HMCN2: variants seen among roughly 807,000 people sequenced by gnomAD.
HMCN2 encodes hemicentin-2.
In HMCN2, 325 loss-of-function variants were observed where a neutral mutation model predicts 377.5. The observed-to-expected ratio is 0.86, with a 90% CI of 0.79 to 0.94. The LOEUF (loss-of-function observed/expected upper bound fraction) is 0.94, where lower values mean the gene tolerates loss of function less well. Ranked by LOEUF, HMCN2 falls within the 40% of genes least tolerant of loss-of-function variation. The pLI, the probability that HMCN2 is intolerant of heterozygous loss-of-function variation, is 0.00. For missense variants in HMCN2, 4,543 were observed against 4,725.3 expected (o/e 0.96, Z 1.13); for synonymous variants, 2,007 against 2,046.8 (o/e 0.98, Z 0.53).
At chr9:130,382,115 G>A in intron 54 of HMCN2, 69 bp from the exon 55 acceptor site, 2 of 621,982 alleles carry the variant, frequency 3.2e-6, no homozygotes, top group East Asian at 1.4e-4. Flanking sequence ...CCAGAGGAGG[G>A]GGCAGCGTCT....
At chr9:130,389,668 G>A (rs934416997) in intron 62 of HMCN2, among the ~76,000 whole-genome samples, 6 of 151,702 alleles carry the variant, frequency 4.0e-5, no homozygotes, top group Non-Finnish European at 8.8e-5. Context: ...TCTGCCTCCT[G>A]GGTTGAAGCG....
At chr9:130,340,398 A>G (rs1838982783) in intron 23 of HMCN2, among the ~76,000 whole-genome samples, 1 of 152,226 alleles carries the variant, frequency 6.6e-6, no homozygotes, top group South Asian at 2.1e-4. Context: ...TAAGGAGCTG[A>G]ACCAGGATTG....
At chr9:130,412,989 A>G (rs1209261735) in intron 85 of HMCN2, among the ~76,000 whole-genome samples, 2 of 152,282 alleles carry the variant, frequency 1.3e-5, no homozygotes, top group Admixed American at 6.5e-5. Context: ...CGGATAGCCA[A>G]TTGTTCCAGT....
intron 22 of HMCN2, among the ~76,000 whole-genome samples, chr9:130,331,193 C>T (rs1350010908): frequency 2.6e-5 from 4 of 150,958 alleles, no homozygotes; most frequent in Non-Finnish European, 4.4e-5. Context: ...CATTCCAGGG[C>T]GCTCGGCTCC....
chr9:130,365,135 T>C (rs1461541926), intron 41 of HMCN2, among the ~76,000 whole-genome samples: 1 of 152,196 alleles, frequency 6.6e-6, no homozygotes, highest in Non-Finnish European at 1.5e-5. Context: ...CCTTGTGATA[T>C]GATCATTCCC....
rs1312817073 is a variant in HMCN2, at chr9:130,395,206, C to T, written c.10775-5C>T. The T allele has an allele frequency of 1.6e-6, 2 of 1,287,454 alleles. No homozygotes were observed. Among genetic ancestry groups the T allele is most frequent in the East Asian group, 5.6e-5 (1 of 17,992 alleles). The allele number at this position is 1,287,454 out of a possible 1,614,324, so 79.8% of individuals were successfully genotyped here. ...TCATATCCTCTTGTGCCACCCCCTT[C>T]CCAGCCCCTCCAAACATTGTTGGGC... On this transcript the variant is annotated splice_region_variant and splice_polypyrimidine_tract_variant and intron_variant, in intron 70 of 97. Transcript: ENST00000683500.
At position 130,426,058 on chromosome 9, in the gene HMCN2, G is replaced by T. The variant is rs77458469; in HGVS notation, c.13879+134G>T. 4 of 691,136 alleles carry T rather than the reference G, an allele frequency of 5.8e-6. No individual in the cohort carries two copies. The African/African-American group carries it at 7.2e-5, about 12-fold the overall frequency. The allele number at this position is 691,136 out of a possible 1,614,324, so 42.8% of individuals were successfully genotyped here. On this transcript the variant is annotated intron_variant, in intron 90 of 97. Transcript: ENST00000683500. ...TGGGCCAGAGACTTCAGACTGAGAC[G>T]GCCCGGCTGGCCTACTCACCTGGCC... is the stretch of plus-strand genomic sequence containing the variant.
chr9:130,267,460 ACACACACACACACACACG>A, intron 1 of HMCN2, among the ~76,000 whole-genome samples: 1 of 128,372 alleles, frequency 7.8e-6, no homozygotes. Flanking sequence ...ACACACACAC[ACACACACACACACACACG>A]CACAGATTCC....
At chr9:130,368,055 T>C (rs1209875689) in intron 43 of HMCN2, among the ~76,000 whole-genome samples, 1 of 148,876 alleles carries the variant, frequency 6.7e-6, no homozygotes, top group Non-Finnish European at 1.5e-5. Context: ...GGCAGATCTG[T>C]GATGCAGAGA....
intron 23 of HMCN2, among the ~76,000 whole-genome samples, chr9:130,340,353 A>T (rs963267245): frequency 6.6e-6 from 1 of 152,160 alleles, no homozygotes; most frequent in South Asian, 2.1e-4. Flanking sequence ...ATGAGGGGGA[A>T]CTGAGGCTCT....
At chr9:130,325,324 G>A (rs921939736) in intron 19 of HMCN2, among the ~76,000 whole-genome samples, 1 of 151,586 alleles carries the variant, frequency 6.6e-6, no homozygotes, top group East Asian at 1.9e-4. Context: ...TCGAACTCCT[G>A]ACCTCAAGTG....
At chr9:130,363,831 A>AAG (rs1554956197) in intron 40 of HMCN2, among the ~76,000 whole-genome samples, 1 of 150,780 alleles carries the variant, frequency 6.6e-6, no homozygotes, top group Non-Finnish European at 1.5e-5. Context: ...AAAAAAAAAA[A>AAG]AAAGAAAGAA....
In HMCN2 at chr9:130,321,890, C is replaced by T. The variant is rs1239965554; in HGVS notation, c.2879C>T (p.Thr960Met). Residue 960 changes from threonine to methionine, a missense_variant, in exon 19 of 98, where the codon ACG becomes ATG. By Grantham distance (81) the Thr-to-Met change is moderately conservative (BLOSUM62 -1). Transcript: ENST00000683500. ...AGRYSCVATNTAGSQHRDVEL... is the reference protein window; with the variant it reads ...AGRYSCVATNMAGSQHRDVEL... Reference sequence around the variant, plus strand: ...AGGTACAGCTGTGTGGCCACCAACACGGCCGGCTCTCAGCACCGGGACGTG... The same window carrying T: ...AGGTACAGCTGTGTGGCCACCAACATGGCCGGCTCTCAGCACCGGGACGTG... 13 of 151,792 alleles carry T rather than the reference C, an allele frequency of 8.6e-5. No homozygotes were observed. Among genetic ancestry groups the T allele is most frequent in the South Asian group, 2.1e-4 (1 of 4,794 alleles). The allele number at this position is 151,792 out of a possible 1,614,324, so 9.4% of individuals were successfully genotyped here. A position where few individuals can be genotyped will look rare whatever the true frequency, so the allele number is the denominator to read the frequency against.
Position 130,358,397 on chromosome 9 carries a change from A to G in HMCN2, c.5588A>G (p.Lys1863Arg). 2 of 1,303,936 alleles carry G rather than the reference A, an allele frequency of 1.5e-6. No individual in the cohort carries two copies. Among genetic ancestry groups the G allele is most frequent in the Non-Finnish European group, 2.0e-6 (2 of 988,828 alleles). 80.8% of individuals were successfully genotyped at this position (1,303,936 alleles called of 1,614,324 possible). A position where few individuals can be genotyped will look rare whatever the true frequency, so the allele number is the denominator to read the frequency against. Residue 1863 changes from lysine (K) to arginine (R), a missense_variant, in exon 36 of 98, where the codon AAG (lysine) becomes AGG (arginine). By Grantham distance (26) the Lys-to-Arg change is conservative (BLOSUM62 2). Coordinates refer to ENST00000683500, the MANE Select transcript of HMCN2 (RefSeq NM_001291815.2). ...CTGCCCCCTCCCCTCCAGATTGAGA[A>G]GGTGGACCTGAGGGACGAGGGCATC... ...AAFGGNLQIE[K>R]VDLRDEGIYT... is the part of the protein sequence containing the mutation.
intron 4 of HMCN2, among the ~76,000 whole-genome samples, chr9:130,288,307 G>A (rs1588176815): frequency 6.6e-6 from 1 of 152,370 alleles, no homozygotes; most frequent in East Asian, 1.9e-4. Flanking sequence ...TGGCCGGGCA[G>A]CATGTGTCTG....
In HMCN2 at chr9:130,391,217, C is replaced by T. The variant is rs1391347220; in HGVS notation, c.9681C>T (p.Ile3227=). ...CCCCTGCCTCAGTGGCCCCCCGGATCCGGAGCTCGGGCGTGGCGCGGGAGC... is the reference window on the plus strand; with the variant it reads ...CCCCTGCCTCAGTGGCCCCCCGGATTCGGAGCTCGGGCGTGGCGCGGGAGC... The part of the protein sequence containing the change: ...FVVAVLVAPR[I]RSSGVAREHH... Residue 3227 remains isoleucine, a synonymous_variant, in exon 64 of 98, where the codon ATC becomes ATT. Transcript: ENST00000683500. 1 of 987,796 alleles carries T rather than the reference C, an allele frequency of 1.0e-6. No homozygotes were observed. The highest frequency in any genetic ancestry group is 1.7e-5 in the African/African-American group (1 of 57,332). The allele number at this position is 987,796 out of a possible 1,614,324, so 61.2% of individuals were successfully genotyped here.
intron 5 of HMCN2, 98 bp from the exon 6 acceptor site, chr9:130,295,568 G>C (rs1472520720): frequency 2.8e-6 from 1 of 362,086 alleles, no homozygotes; most frequent in Admixed American, 3.3e-5. Flanking sequence ...GAAGACTGAG[G>C]CTAGTGTTTG....
intron 29 of HMCN2, among the ~76,000 whole-genome samples, chr9:130,350,275 G>T (rs1043946165): frequency 3.3e-5 from 5 of 150,412 alleles, no homozygotes; most frequent in Non-Finnish European, 7.4e-5. Flanking sequence ...GGTGGCTCAC[G>T]CCTGTAATCC....
At position 130,325,648 on chromosome 9, in the gene HMCN2, G is replaced by C. The variant is rs920759777; in HGVS notation, c.2974G>C (p.Ala992Pro). The C allele has an allele frequency of 0.93, 142,186 of 152,306 alleles. 67,193 individuals carry two copies. The highest frequency in any genetic ancestry group is 1 in the East Asian group (5,180 of 5,180). 9.4% of individuals were successfully genotyped at this position (152,306 alleles called of 1,614,324 possible). A position where few individuals can be genotyped will look rare whatever the true frequency, so the allele number is the denominator to read the frequency against. ...CCACCATATCACCAATGAAGGGGTT[G>C]CGGCCTCTCTTCCCTGCGTCGCTTC... ...ATHHITNEGVAASLPCVASGV... is the reference protein window; with the variant it reads ...ATHHITNEGVPASLPCVASGV... Residue 992 changes from alanine (A) to proline (P), a missense_variant, in exon 20 of 98, where the codon GCG becomes CCG. By Grantham distance (27) the Ala-to-Pro change is conservative. Transcript: ENST00000683500.
Sources: allele counts gnomAD v4.1 joint callset (sites outside exome capture counted in the v4.1 genomes callset), GRCh38; gene constraint gnomAD v4.1.1; transcripts MANE v1.5; gene names NCBI Gene and HGNC (gene_info 2026-07-23, HGNC 2026-07-21).